The following PPP1CB variants were observed in gnomAD, a reference collection of about 807,000 sequenced individuals.
PPP1CB encodes the protein serine/threonine-protein phosphatase PP1-beta catalytic subunit.
PPP1CB carries 2 observed loss-of-function variants against 43.7 expected under a neutral mutation model. The ratio of observed to expected loss-of-function variants is 0.05; its 90% CI spans 0.02 to 0.14. The LOEUF is 0.14. PPP1CB is among the 10% of genes least tolerant of loss of function. The pLI is 1.00. For synonymous variants in PPP1CB, 136 were observed against 135.6 expected, an observed-to-expected ratio of 1.00 and a Z score of -0.02; for missense variants, 84 against 398.0, an observed-to-expected ratio of 0.21 and a Z score of 6.71.
chr2:28,786,018 G>T (rs1056285367), intron 5 of PPP1CB, among the ~76,000 whole-genome samples: 1 of 152,082 alleles, frequency 6.6e-6, no homozygotes, highest in Admixed American at 6.6e-5. Flanking sequence ...ATCTTTGATA[G>T]TGTCTGCAAC....
intron 7 of PPP1CB, among the ~76,000 whole-genome samples, chr2:28,796,489 A>C (rs1667499963): frequency 6.6e-6 from 1 of 151,998 alleles, no homozygotes; most frequent in Non-Finnish European, 1.5e-5. Context: ...GTAGTTGTAG[A>C]GATCTTTCAC....
chr2:28,770,644 A>G (rs1340959405), intron 1 of PPP1CB, among the ~76,000 whole-genome samples: 1 of 152,232 alleles, frequency 6.6e-6, no homozygotes, highest in East Asian at 1.9e-4. Context: ...CCACAACCAT[A>G]GATCAGTGCC....
intron 1 of PPP1CB, among the ~76,000 whole-genome samples, chr2:28,755,915 C>T (rs1473824505): frequency 6.6e-6 from 1 of 152,152 alleles, no homozygotes; most frequent in Non-Finnish European, 1.5e-5. Flanking sequence ...TTAGAATTTG[C>T]TTTTTCCTGA....
At chr2:28,767,607 G>A (rs1309819733) in intron 1 of PPP1CB, among the ~76,000 whole-genome samples, 1 of 152,140 alleles carries the variant, frequency 6.6e-6, no homozygotes, top group Non-Finnish European at 1.5e-5. Flanking sequence ...AAAGCAGTGT[G>A]AAGTGATGAG....
chr2:28,751,732 C>T, upstream of PPP1CB: 1 of 251,600 alleles, frequency 4.0e-6, no homozygotes, highest in Non-Finnish European at 7.8e-6. Flanking sequence ...GAGCGCACCG[C>T]GCGCCTGCGC....
intron 6 of PPP1CB, among the ~76,000 whole-genome samples, chr2:28,793,336 GTAA>G (rs1311275220): frequency 1.3e-5 from 2 of 152,220 alleles, no homozygotes; most frequent in Non-Finnish European, 2.9e-5. Flanking sequence ...GTGTAGCCAT[GTAA>G]TAATAATACA....
intron 4 of PPP1CB, among the ~76,000 whole-genome samples, chr2:28,783,467 A>G (rs574023298): frequency 2.0e-5 from 3 of 152,130 alleles, no homozygotes; most frequent in African/African-American, 7.2e-5. Flanking sequence ...CCTTTAAGAC[A>G]TTAAAAGGGG....
At chr2:28,764,250 GGAGATC>G (rs1290273031) in intron 1 of PPP1CB, among the ~76,000 whole-genome samples, 1 of 151,862 alleles carries the variant, frequency 6.6e-6, no homozygotes, top group Non-Finnish European at 1.5e-5. Context: ...CACGAGGTCA[GGAGATC>G]GAGACCATCC....
intron 6 of PPP1CB, 109 bp from the exon 7 acceptor site, chr2:28,793,753 GT>G (rs1667436560): frequency 2.5e-6 from 3 of 1,187,854 alleles, no homozygotes; most frequent in Non-Finnish European, 3.5e-6. Flanking sequence ...AAACAGGGTG[GT>G]TTGGGGGTGA....
chr2:28,791,716 T>C (rs912433524), intron 6 of PPP1CB, among the ~76,000 whole-genome samples: 4 of 152,176 alleles, frequency 2.6e-5, no homozygotes, highest in Non-Finnish European at 5.9e-5. Context: ...ATTGCTAAGT[T>C]TCCTAACTAA....
chr2:28,757,981 C>A (rs564299985), intron 1 of PPP1CB, among the ~76,000 whole-genome samples: 17 of 151,346 alleles, frequency 1.1e-4, no homozygotes, highest in African/African-American at 3.9e-4. Flanking sequence ...CTTCCTTATT[C>A]TCCACGTTTA....
intron 2 of PPP1CB, 54 bp downstream of exon 2, chr2:28,777,036 C>A: frequency 1.3e-6 from 2 of 1,572,682 alleles, no homozygotes; most frequent in Non-Finnish European, 8.7e-7. Context: ...TTTTTCCTCC[C>A]ATGTTTAAGA....
chr2:28,752,312 C>G (rs1035524552), intron 1 of PPP1CB, 136 bp downstream of exon 1: 85 of 854,526 alleles, frequency 9.9e-5, no homozygotes, highest in Non-Finnish European at 1.3e-4. Context: ...GCGCGGCGGA[C>G]GAACCGAGGA....
chr2:28,771,129 C>T (rs1428224847), intron 1 of PPP1CB, among the ~76,000 whole-genome samples: 1 of 143,494 alleles, frequency 7.0e-6, no homozygotes, highest in Admixed American at 7.5e-5. Flanking sequence ...TCGTGGCTCA[C>T]TGCCACCTCT....
In PPP1CB at chr2:28,785,065, C is replaced by CTTTTTTTTTTTTTTTTTTTT. The variant is rs769650329; in HGVS notation, c.592+1096_592+1115dup. Among the ~76,000 whole-genome samples the CTTTTTTTTTTTTTTTTTTTT allele has an allele frequency of 8.0e-4, 44 of 54,996 alleles. 12 individuals are homozygous for CTTTTTTTTTTTTTTTTTTTT. The highest frequency in any genetic ancestry group is 0.03 in the Middle Eastern group (2 of 66). The allele number at this position is 54,996 out of a possible 152,430, so 36.1% of individuals were successfully genotyped here. On this transcript the variant is annotated intron_variant, in intron 5 of 7. Transcript: ENST00000395366. ...ATGTTGTAATAAATTGTGTTAGGAGCTTTTTTTTTTTTTTTTTTTTTTTTT... is the reference window on the plus strand; with the variant it reads ...ATGTTGTAATAAATTGTGTTAGGAGCTTTTTTTTTTTTTTTTTTTTTTTTTTTTTTTTTTTTTTTTTTTTT...
At chr2:28,788,841 TTTTTC>T (rs1667327897) in intron 6 of PPP1CB, 32 bp downstream of exon 6, 1 of 1,547,922 alleles carries the variant, frequency 6.5e-7, no homozygotes, top group South Asian at 1.2e-5. Flanking sequence ...AGCTTTTTCT[TTTTTC>T]TTTCTTTTTT....
At chr2:28,782,233 C>T (rs2148052261) in intron 4 of PPP1CB, among the ~76,000 whole-genome samples, 2 of 152,152 alleles carry the variant, frequency 1.3e-5, no homozygotes, top group Middle Eastern at 6.8e-3. Context: ...TTCTAGGCTT[C>T]ATATAATATA....
chr2:28,768,871 T>C (rs1371117665), intron 1 of PPP1CB, among the ~76,000 whole-genome samples: 6 of 152,050 alleles, frequency 3.9e-5, no homozygotes, highest in Non-Finnish European at 5.9e-5. Context: ...GAGAGACTTA[T>C]GTATTGCTGA....
chr2:28,782,098 A>G (rs1667167074), intron 4 of PPP1CB: 2 of 413,428 alleles, frequency 4.8e-6, no homozygotes, highest in Non-Finnish European at 4.3e-6. Flanking sequence ...CCTTTGCCTC[A>G]AGTTTTAACA....
Sources: allele counts gnomAD v4.1 joint callset (sites outside exome capture counted in the v4.1 genomes callset), GRCh38; gene constraint gnomAD v4.1.1; transcripts MANE v1.5; gene names NCBI Gene and HGNC (gene_info 2026-07-23, HGNC 2026-07-21).